ALG9: variants seen among roughly 807,000 people sequenced by gnomAD.
ALG9 encodes the protein alpha-1,2-mannosyltransferase ALG9.
In ALG9, 55 loss-of-function variants were observed where a neutral mutation model predicts 81.8. The ratio of observed to expected loss-of-function variants is 0.67; its 90% CI spans 0.54 to 0.84. The LOEUF (loss-of-function observed/expected upper bound fraction) is 0.84. Ranked by LOEUF, ALG9 falls within the 40% of genes least tolerant of loss-of-function variation. ALG9 has a pLI of 0.00. For missense variants in ALG9, 629 were observed against 745.0 expected (o/e 0.84, Z 1.81); for synonymous variants, 278 against 274.3 (o/e 1.01, Z -0.13).
intron 13 of ALG9, among the ~76,000 whole-genome samples, chr11:111,828,151 G>A (rs782234746): frequency 8.5e-5 from 13 of 152,124 alleles, no homozygotes; most frequent in Non-Finnish European, 1.8e-4. Flanking sequence ...CCAAGATTGC[G>A]CCACTGCACT....
intron 6 of ALG9, among the ~76,000 whole-genome samples, chr11:111,854,684 A>AT (rs1303524249): frequency 1.3e-5 from 2 of 152,200 alleles, no homozygotes; most frequent in African/African-American, 2.4e-5. Context: ...TAAATTCCGT[A>AT]TAACATTTTG....
chr11:111,856,867 G>T (rs1333082384), intron 6 of ALG9, among the ~76,000 whole-genome samples: 1 of 152,174 alleles, frequency 6.6e-6, no homozygotes, highest in Non-Finnish European at 1.5e-5. Context: ...AGCACTTTGT[G>T]AGGCCAAGGT....
At chr11:111,781,658 T>A (rs537989933), downstream of ALG9, among the ~76,000 whole-genome samples, 31 of 152,260 alleles carry the variant, frequency 2.0e-4, no homozygotes, top group East Asian at 3.9e-4. Flanking sequence ...TTTTATTATT[T>A]TTTTTTTAGA....
chr11:111,854,026 C>A (rs1555141431), intron 6 of ALG9, among the ~76,000 whole-genome samples: 1 of 151,912 alleles, frequency 6.6e-6, no homozygotes, highest in African/African-American at 2.4e-5. Flanking sequence ...ACCCACCCTG[C>A]CAAATAAATA....
Position 111,871,490 on chromosome 11 carries a change from C to T in ALG9, c.-8G>A. The T allele has an allele frequency of 1.3e-6, 2 of 1,536,462 alleles. No homozygotes were observed. Among genetic ancestry groups the T allele is most frequent in the Non-Finnish European group, 1.7e-6 (2 of 1,146,610 alleles). On this transcript the variant is annotated 5_prime_UTR_variant, in exon 1 of 15. Transcript: ENST00000616540. ...AGCCCCTCGACTAGCCATGGCAAGC[C>T]TGGGGAAAAAAGAATTCGGCACCCT...
intron 8 of ALG9, among the ~76,000 whole-genome samples, chr11:111,852,489 C>T (rs963364192): frequency 6.6e-6 from 1 of 152,168 alleles, no homozygotes; most frequent in Non-Finnish European, 1.5e-5. Context: ...TAACCCTAAG[C>T]TGGTCAACTT....
downstream of ALG9, among the ~76,000 whole-genome samples, chr11:111,780,928 A>G (rs1199079574): frequency 1.3e-5 from 2 of 152,220 alleles, no homozygotes; most frequent in African/African-American, 4.8e-5. Context: ...TTTATATGTT[A>G]CGGTTCTATG....
intron 14 of ALG9, among the ~76,000 whole-genome samples, chr11:111,798,741 C>A (rs1948664529): frequency 6.6e-6 from 1 of 152,206 alleles, no homozygotes; most frequent in Non-Finnish European, 1.5e-5. Flanking sequence ...GCCAGAGAGA[C>A]ATGGCAAACT....
intron 13 of ALG9, among the ~76,000 whole-genome samples, chr11:111,829,675 C>T (rs1218018319): frequency 6.6e-6 from 1 of 152,142 alleles, no homozygotes; most frequent in Non-Finnish European, 1.5e-5. Flanking sequence ...TGTATTTTGT[C>T]GGGGGAAGAG....
At chr11:111,821,983 G>T (rs1555104272) in intron 13 of ALG9, among the ~76,000 whole-genome samples, 1 of 152,168 alleles carries the variant, frequency 6.6e-6, no homozygotes, top group East Asian at 1.9e-4. Context: ...GCACTGGGCA[G>T]AAATCACACT....
At chr11:111,862,131 G>A (rs925466784) in intron 4 of ALG9, among the ~76,000 whole-genome samples, 1 of 151,688 alleles carries the variant, frequency 6.6e-6, no homozygotes, top group African/African-American at 2.4e-5. Flanking sequence ...AAAATTCTCA[G>A]CTATTAATAC....
intron 5 of ALG9, 31 bp downstream of exon 5, chr11:111,860,516 C>T: frequency 6.3e-7 from 1 of 1,589,798 alleles, no homozygotes; most frequent in Non-Finnish European, 8.6e-7. Flanking sequence ...TGGTGATGAC[C>T]TGCAATTCCC....
intron 3 of ALG9, among the ~76,000 whole-genome samples, chr11:111,865,476 A>C (rs1419776468): frequency 6.6e-6 from 1 of 152,240 alleles, no homozygotes; most frequent in Non-Finnish European, 1.5e-5. Flanking sequence ...ATTCATGAAA[A>C]TGTTAATTGC....
At chr11:111,841,621 T>A (rs969673537) in intron 9 of ALG9, among the ~76,000 whole-genome samples, 2 of 152,180 alleles carry the variant, frequency 1.3e-5, no homozygotes, top group African/African-American at 4.8e-5. Context: ...GCAACGCAAA[T>A]GCGGGCAAAT....
chr11:111,857,172 C>T (rs1425028904), intron 6 of ALG9, among the ~76,000 whole-genome samples: 1 of 151,988 alleles, frequency 6.6e-6, no homozygotes, highest in South Asian at 2.1e-4. Context: ...ATTTCAAATC[C>T]GAGTGAGTGA....
intron 13 of ALG9, among the ~76,000 whole-genome samples, chr11:111,819,418 C>T (rs1383143018): frequency 6.6e-6 from 1 of 152,228 alleles, no homozygotes; most frequent in Non-Finnish European, 1.5e-5. Context: ...GATCTTATTT[C>T]TCATATGTCA....
chr11:111,819,597 C>A (rs1343597322), intron 13 of ALG9, among the ~76,000 whole-genome samples: 1 of 152,234 alleles, frequency 6.6e-6, no homozygotes, highest in African/African-American at 2.4e-5. Flanking sequence ...AAAATTTGGT[C>A]ATAACTGAGA....
At chr11:111,851,264 A>C (rs536024442) in intron 8 of ALG9, among the ~76,000 whole-genome samples, 1 of 152,238 alleles carries the variant, frequency 6.6e-6, no homozygotes, top group South Asian at 2.1e-4. Flanking sequence ...GGATTACCTG[A>C]GGTCAGGAGT....
chr11:111,828,016 T>C (rs1159597965), intron 13 of ALG9, among the ~76,000 whole-genome samples: 1 of 151,926 alleles, frequency 6.6e-6, no homozygotes, highest in Non-Finnish European at 1.5e-5. Context: ...GGTGAAACCC[T>C]GTCTCTACTA....
Sources: gnomAD v4.1 joint callset for allele counts (sites outside exome capture counted in the v4.1 genomes callset) on GRCh38, gnomAD v4.1.1 for gene constraint, MANE v1.5 for transcripts, NCBI Gene and HGNC (gene_info 2026-07-23, HGNC 2026-07-21) for gene names.